Variants in CYREN observed in about 807,000 individuals in gnomAD.
CYREN encodes the protein cell cycle regulator of non-homologous end joining.
CYREN carries 7 observed loss-of-function variants against 9.7 expected under a neutral mutation model. The ratio of observed to expected loss-of-function variants is 0.72; its 90% CI spans 0.41 to 1.36. CYREN has a LOEUF of 1.36. Among genes scored for constraint, CYREN ranks in the 40% most tolerant of loss-of-function variants. The pLI is 0.01. For synonymous variants in CYREN, 76 were observed against 77.9 expected, an observed-to-expected ratio of 0.98 and a Z score of 0.13; for missense variants, 215 against 198.1, an observed-to-expected ratio of 1.09 and a Z score of -0.51.
At chr7:135,127,978 G>A (rs1828125936) in intron 2 of CYREN, among the ~76,000 whole-genome samples, 2 of 152,086 alleles carry the variant, frequency 1.3e-5, no homozygotes, top group Admixed American at 1.3e-4. Context: ...TATACACCAT[G>A]GAATACTATG....
intron 2 of CYREN, chr7:135,135,216 T>C: frequency 1.9e-6 from 3 of 1,543,630 alleles, no homozygotes; most frequent in African/African-American, 2.8e-5. Flanking sequence ...CCAATAAGAA[T>C]GATGGACAAC....
intron 2 of CYREN, chr7:135,128,706 A>G (rs1828306397): frequency 5.1e-6 from 7 of 1,362,936 alleles, no homozygotes; most frequent in African/African-American, 4.3e-5. Context: ...TGAGCTCAAG[A>G]TTGATTCTCA....
intron 2 of CYREN, among the ~76,000 whole-genome samples, chr7:135,119,340 G>A (rs867453290): frequency 1.3e-5 from 2 of 151,524 alleles, no homozygotes; most frequent in Non-Finnish European, 2.9e-5. Flanking sequence ...AGTGATTCTC[G>A]TGCCTCAGCC....
exon 3 of CYREN, chr7:135,094,205 A>G (rs868535397): frequency 2.5e-5 from 9 of 356,876 alleles, no homozygotes; most frequent in African/African-American, 1.3e-4. Flanking sequence ...TAGCTGCAAC[A>G]TGAATAATGC....
intron 2 of CYREN, among the ~76,000 whole-genome samples, chr7:135,096,580 GATAC>G (rs1341683132): frequency 2.5e-4 from 8 of 32,304 alleles, no homozygotes; most frequent in Admixed American, 7.0e-4. Context: ...TAGATAGATA[GATAC>G]ATAGATAGAT....
At chr7:135,126,160 CA>C (rs1291008016) in intron 2 of CYREN, among the ~76,000 whole-genome samples, 1 of 152,094 alleles carries the variant, frequency 6.6e-6, no homozygotes, top group Non-Finnish European at 1.5e-5. Flanking sequence ...ATCTCAGCCC[CA>C]AAACTCCTTA....
intron 2 of CYREN, among the ~76,000 whole-genome samples, chr7:135,154,229 A>G (rs1473616533): frequency 6.6e-6 from 1 of 152,084 alleles, no homozygotes; most frequent in Non-Finnish European, 1.5e-5. Flanking sequence ...TTCTTGGTTA[A>G]TCTAGCTAGT....
chr7:135,101,889 C>T lies in CYREN; in HGVS notation n.357-7307G>A, dbSNP rs147443003. Reference sequence around the variant, plus strand: ...ATGAGAGATAATTGAATCATGGAGGCGGCGTCCCCCATGCTGTCCTCATGA... The same window carrying T: ...ATGAGAGATAATTGAATCATGGAGGTGGCGTCCCCCATGCTGTCCTCATGA... On this transcript the variant is annotated intron_variant and non_coding_transcript_variant, in intron 2 of 2. Coordinates refer to the CYREN transcript ENST00000459937. 3.4e-3 allele frequency among the ~76,000 whole-genome samples: 511 copies of T among 152,182 alleles called. 1 individual carries two copies. The highest frequency in any genetic ancestry group is 0.012 in the African/African-American group (488 of 41,516).
At chr7:135,159,754 C>T (rs1159838424) in intron 2 of CYREN, among the ~76,000 whole-genome samples, 3 of 152,310 alleles carry the variant, frequency 2.0e-5, no homozygotes, top group East Asian at 1.9e-4. Context: ...AAAGAACTGA[C>T]AGCACTTCAC....
chr7:135,152,603 G>T (rs1275104379), intron 2 of CYREN, among the ~76,000 whole-genome samples: 2 of 152,216 alleles, frequency 1.3e-5, no homozygotes, highest in South Asian at 2.1e-4. Context: ...ATTCTCAAGA[G>T]ATTTTGAGGT....
At chr7:135,115,582 T>C in intron 2 of CYREN, 1 of 1,550,362 alleles carries the variant, frequency 6.5e-7, no homozygotes, top group African/African-American at 1.4e-5. Flanking sequence ...AGCTATTCAA[T>C]CCAAGAACCA....
intron 1 of CYREN, chr7:135,170,328 A>G (rs531573870): frequency 6.6e-6 from 1 of 152,432 alleles, no homozygotes; most frequent in South Asian, 2.1e-4. Flanking sequence ...GCCCCGCGGG[A>G]ACGCGATGTG....
chr7:135,134,950 T>G, intron 2 of CYREN: 1 of 1,551,186 alleles, frequency 6.4e-7, no homozygotes, highest in East Asian at 2.4e-5. Flanking sequence ...CTCTTCAGAA[T>G]GGGTCCAGTC....
exon 3 of CYREN, chr7:135,092,608 T>C (rs1400757683): frequency 6.6e-6 from 1 of 152,176 alleles, no homozygotes; most frequent in Non-Finnish European, 1.5e-5. Context: ...GACATAGTAA[T>C]ATGAAACAAA....
At chr7:135,141,911 T>A (rs117961447) in intron 2 of CYREN, among the ~76,000 whole-genome samples, 150 of 152,118 alleles carry the variant, frequency 9.9e-4, no homozygotes, top group Non-Finnish European at 1.5e-3. Context: ...TCTGAAAGAG[T>A]GGTTGGTATG....
chr7:135,166,439 C>T lies in CYREN; in HGVS notation c.*172G>A. On this transcript the variant is annotated 3_prime_UTR_variant, in exon 4 of 4. Transcript: ENST00000393114. ...CACACTCAGAACGGCAGCCCCAAGG[C>T]CCGGAGTGTCCAGGGGCTTCTGGCC... is the stretch of plus-strand genomic sequence containing the variant. 9.7e-7 allele frequency: 1 copy of T among 1,035,198 alleles called. No homozygotes were observed. The highest frequency in any genetic ancestry group is 1.4e-6 in the Non-Finnish European group (1 of 740,504). The allele number at this position is 1,035,198 out of a possible 1,614,324, so 64.1% of individuals were successfully genotyped here.
At chr7:135,097,502 A>G (rs1469794658) in intron 2 of CYREN, among the ~76,000 whole-genome samples, 1 of 152,174 alleles carries the variant, frequency 6.6e-6, no homozygotes, top group Non-Finnish European at 1.5e-5. Flanking sequence ...AATCTGCATT[A>G]TTGGCAATGA....
chr7:135,136,219 T>A (rs933852430), intron 2 of CYREN, among the ~76,000 whole-genome samples: 4 of 152,054 alleles, frequency 2.6e-5, no homozygotes, highest in Non-Finnish European at 5.9e-5. Context: ...GAGAGGTACA[T>A]TAAAAATACA....
At chr7:135,133,028 T>A (rs953995904) in intron 2 of CYREN, among the ~76,000 whole-genome samples, 1 of 151,202 alleles carries the variant, frequency 6.6e-6, no homozygotes, top group Non-Finnish European at 1.5e-5. Flanking sequence ...ATGTAGAAAA[T>A]CCTAATAAAT....
Sources: gnomAD v4.1 joint callset for allele counts (sites outside exome capture counted in the v4.1 genomes callset) on GRCh38, gnomAD v4.1.1 for gene constraint, MANE v1.5 for transcripts, NCBI Gene and HGNC (gene_info 2026-07-23, HGNC 2026-07-21) for gene names.